DNAH11: variants seen among roughly 807,000 people sequenced by gnomAD.
DNAH11 encodes the protein axonemal beta dynein heavy chain 11.
In DNAH11, 442 loss-of-function variants were observed where a neutral mutation model predicts 526.0. That is an observed-to-expected ratio of 0.84 (90% CI 0.78 to 0.91). The LOEUF (loss-of-function observed/expected upper bound fraction) is 0.91. DNAH11 is among the 40% of genes least tolerant of loss of function. The probability of loss-of-function intolerance (pLI) is 0.00; values close to 1 mark genes in which losing one functional copy is unlikely to be tolerated. For synonymous variants in DNAH11, 2,461 were observed against 1,935.9 expected, an observed-to-expected ratio of 1.27 and a Z score of -7.12; for missense variants, 6,989 against 5,448.7, an observed-to-expected ratio of 1.28 and a Z score of -8.90.
intron 68 of DNAH11, among the ~76,000 whole-genome samples, chr7:21,860,992 A>G (rs1366061312): frequency 6.6e-6 from 1 of 152,202 alleles, no homozygotes; most frequent in African/African-American, 2.4e-5. Context: ...TGATTCAGTT[A>G]TCTTCCACCA....
At chr7:21,613,594 T>C (rs772191889) in intron 20 of DNAH11, among the ~76,000 whole-genome samples, 2 of 152,174 alleles carry the variant, frequency 1.3e-5, no homozygotes, top group Non-Finnish European at 2.9e-5. Flanking sequence ...GGGGAGATGT[T>C]AGTTCACAAG....
At chr7:21,562,872 TG>T (rs1422753318) in intron 5 of DNAH11, among the ~76,000 whole-genome samples, 1 of 152,194 alleles carries the variant, frequency 6.6e-6, no homozygotes, top group Non-Finnish European at 1.5e-5. Flanking sequence ...ACAGATTAAT[TG>T]GTTACACATC....
chr7:21,681,416 G>A, intron 30 of DNAH11, 130 bp from the exon 31 acceptor site: 1 of 926,034 alleles, frequency 1.1e-6, no homozygotes, highest in Admixed American at 2.7e-5. Flanking sequence ...GACAGAGTGA[G>A]ACTCCATCTC....
chr7:21,576,667 C>G (rs537675401), intron 8 of DNAH11, among the ~76,000 whole-genome samples: 1 of 152,144 alleles, frequency 6.6e-6, no homozygotes, highest in African/African-American at 2.4e-5. Flanking sequence ...ATATCAGTGT[C>G]AATGCTGTAT....
intron 14 of DNAH11, among the ~76,000 whole-genome samples, chr7:21,595,464 A>C (rs745435818): frequency 6.6e-6 from 1 of 152,228 alleles, no homozygotes; most frequent in South Asian, 2.1e-4. Flanking sequence ...TATATTTTGA[A>C]TTAAGTGGAG....
At chr7:21,793,895 C>G (rs1788588794) in intron 61 of DNAH11, among the ~76,000 whole-genome samples, 1 of 152,162 alleles carries the variant, frequency 6.6e-6, no homozygotes, top group Admixed American at 6.5e-5. Flanking sequence ...CTCTTGAACT[C>G]CAGTGACTGT....
intron 14 of DNAH11, among the ~76,000 whole-genome samples, chr7:21,598,414 A>G (rs1351809112): frequency 6.6e-6 from 1 of 152,076 alleles, no homozygotes; most frequent in Non-Finnish European, 1.5e-5. Context: ...CTCTGTCTTC[A>G]GGTCCTATTT....
At chr7:21,637,509 C>T (rs1415689257) in intron 26 of DNAH11, 102 bp from the exon 27 acceptor site, 2 of 808,244 alleles carry the variant, frequency 2.5e-6, no homozygotes, top group South Asian at 1.6e-5. Flanking sequence ...TTTGACCTTG[C>T]CTCTTCATTC....
intron 44 of DNAH11, among the ~76,000 whole-genome samples, chr7:21,723,173 A>G (rs1466518445): frequency 6.6e-6 from 1 of 152,242 alleles, no homozygotes; most frequent in Non-Finnish European, 1.5e-5. Context: ...TTGGTAGCTT[A>G]ACAAATTGAG....
chr7:21,820,348 C>T (rs1351558161), intron 65 of DNAH11, among the ~76,000 whole-genome samples: 2 of 152,098 alleles, frequency 1.3e-5, no homozygotes, highest in African/African-American at 2.4e-5. Flanking sequence ...TGGTGATAGA[C>T]GTATACATGG....
intron 44 of DNAH11, among the ~76,000 whole-genome samples, chr7:21,725,207 G>C (rs1362919846): frequency 1.3e-5 from 2 of 152,124 alleles, no homozygotes; most frequent in African/African-American, 4.8e-5. Context: ...CTTAGATTTG[G>C]TCTGGTGGGA....
rs749908976 is a variant in DNAH11, at chr7:21,720,867, A to T, written c.7266+11A>T. On this transcript the variant is annotated intron_variant, in intron 44 of 81. Transcript: ENST00000409508. ...CTGCTACAAGATCAGGTATGTTTAG[A>T]AATAGTTTACAGGACCAGTTTCCAG... 1 of 1,610,140 alleles carries T rather than the reference A, an allele frequency of 6.2e-7. No individual in the cohort carries two copies. The highest frequency in any genetic ancestry group is 8.5e-7 in the Non-Finnish European group (1 of 1,178,068).
intron 65 of DNAH11, among the ~76,000 whole-genome samples, chr7:21,841,940 C>T (rs1562578214): frequency 6.6e-6 from 1 of 152,142 alleles, no homozygotes; most frequent in Non-Finnish European, 1.5e-5. Context: ...ATTTAACCTG[C>T]CCCCTCTATG....
intron 25 of DNAH11, among the ~76,000 whole-genome samples, chr7:21,625,683 T>G (rs990866073): frequency 6.6e-6 from 1 of 152,130 alleles, no homozygotes; most frequent in African/African-American, 2.4e-5. Flanking sequence ...TCCGTAAGTT[T>G]TAGTATGTTG....
chr7:21,748,236 C>T (rs545306878), intron 51 of DNAH11, among the ~76,000 whole-genome samples: 1 of 152,308 alleles, frequency 6.6e-6, no homozygotes, highest in South Asian at 2.1e-4. Flanking sequence ...GTAATCCCAG[C>T]ACTTTGGGAG....
At position 21,634,220 on chromosome 7, in the gene DNAH11, A is replaced by G. The variant is rs74442990; in HGVS notation, c.4501-1651A>G. On this transcript the variant is annotated intron_variant, in intron 25 of 81. Coordinates refer to ENST00000409508, the MANE Select transcript of DNAH11 (RefSeq NM_001277115.2). ...GAAACACCAGACCACAGCTCAACAC[A>G]GAGGTTCAGCCAAGAGCTGGTAGCT... Among the ~76,000 whole-genome samples the G allele has an allele frequency of 1.8e-4, 27 of 152,346 alleles. No homozygotes were observed. The East Asian group carries it at 4.4e-3, about 25-fold the overall frequency.
chr7:21,741,263 C>A (rs946070464), intron 48 of DNAH11, among the ~76,000 whole-genome samples: 2 of 152,126 alleles, frequency 1.3e-5, no homozygotes, highest in African/African-American at 4.8e-5. Flanking sequence ...TTCTCCATGT[C>A]TTTCCGTGGC....
intron 56 of DNAH11, among the ~76,000 whole-genome samples, chr7:21,775,615 C>CA (rs11325043): frequency 0.34 from 50,730 of 148,026 alleles, 10,074 homozygotes; most frequent in Non-Finnish European, 0.45. Flanking sequence ...GACCCTGTCT[C>CA]AAAAAAAAAA....
intron 48 of DNAH11, among the ~76,000 whole-genome samples, chr7:21,739,991 CATT>C (rs1371612456): frequency 2.6e-5 from 4 of 152,074 alleles, no homozygotes; most frequent in African/African-American, 9.7e-5. Context: ...AATATTGACA[CATT>C]ATTATTAACT....
Sources: allele counts gnomAD v4.1 joint callset (sites outside exome capture counted in the v4.1 genomes callset), GRCh38; gene constraint gnomAD v4.1.1; transcripts MANE v1.5; gene names NCBI Gene and HGNC (gene_info 2026-07-23, HGNC 2026-07-21).